Variants in CDH18 observed in about 807,000 individuals in gnomAD.
CDH18 encodes cadherin 18, also known as cadherin-18.
A neutral mutation model predicts 67.9 loss-of-function variants in CDH18; 31 were observed. The observed-to-expected ratio is 0.46, with a 90% CI of 0.34 to 0.62. The LOEUF (loss-of-function observed/expected upper bound fraction) is 0.62, where lower values mean the gene tolerates loss of function less well. Ranked by LOEUF, CDH18 falls within the 20% of genes least tolerant of loss-of-function variation. CDH18 has a pLI of 0.01. For synonymous variants in CDH18, 362 were observed against 347.2 expected (o/e 1.04, Z -0.48); for missense variants, 890 against 975.5 (o/e 0.91, Z 1.17).
chr5:19,554,851 T>C (rs1580179573), intron 8 of CDH18, among the ~76,000 whole-genome samples: 1 of 152,098 alleles, frequency 6.6e-6, no homozygotes, highest in Non-Finnish European at 1.5e-5. Context: ...GTGTCAATTA[T>C]TAATTAATAA....
At chr5:20,491,358 A>G (rs911686690) in intron 1 of CDH18, among the ~76,000 whole-genome samples, 2 of 152,154 alleles carry the variant, frequency 1.3e-5, no homozygotes, top group Non-Finnish European at 2.9e-5. Context: ...TCTTAACTGT[A>G]AAACAGGAAA....
chr5:19,937,961 C>CTATATA (rs369843082), intron 2 of CDH18, among the ~76,000 whole-genome samples: 11,417 of 144,350 alleles, frequency 0.079, 1,143 homozygotes, highest in African/African-American at 0.24. Context: ...AATATATTTG[C>CTATATA]TATATATATA....
chr5:19,768,261 C>A (rs1477584345), intron 3 of CDH18, among the ~76,000 whole-genome samples: 1 of 152,056 alleles, frequency 6.6e-6, no homozygotes, highest in Non-Finnish European at 1.5e-5. Context: ...AATAGCAAAG[C>A]TGCCTGAAAT....
At chr5:19,887,915 T>C (rs1788393539) in intron 2 of CDH18, among the ~76,000 whole-genome samples, 1 of 151,872 alleles carries the variant, frequency 6.6e-6, no homozygotes, top group South Asian at 2.1e-4. Context: ...CATGGTTCAA[T>C]TTTTTTGAAT....
chr5:20,070,416 T>C (rs978402517), intron 2 of CDH18, among the ~76,000 whole-genome samples: 1 of 152,186 alleles, frequency 6.6e-6, no homozygotes, highest in Non-Finnish European at 1.5e-5. Flanking sequence ...TGTTATTAAA[T>C]GATTTGGGGT....
intron 2 of CDH18, among the ~76,000 whole-genome samples, chr5:20,213,163 C>T (rs766418131): frequency 3.3e-5 from 5 of 151,978 alleles, no homozygotes; most frequent in African/African-American, 4.8e-5. Context: ...AGGGTTATTA[C>T]GTAACTTACT....
intron 1 of CDH18, among the ~76,000 whole-genome samples, chr5:20,520,975 A>G (rs1380023829): frequency 6.6e-6 from 1 of 152,192 alleles, no homozygotes; most frequent in Admixed American, 6.5e-5. Flanking sequence ...GCTAACATCT[A>G]GCATAACCTC....
intron 2 of CDH18, among the ~76,000 whole-genome samples, chr5:19,967,492 C>A (rs6891993): frequency 0.12 from 18,801 of 151,936 alleles, 3,331 homozygotes; most frequent in African/African-American, 0.39. Flanking sequence ...GTACAGAGAG[C>A]AAATTATATA....
chr5:20,254,354 A>AAC (rs1744073976), intron 2 of CDH18, among the ~76,000 whole-genome samples: 1 of 152,138 alleles, frequency 6.6e-6, no homozygotes, highest in Non-Finnish European at 1.5e-5. Flanking sequence ...TCAGGTGATC[A>AAC]GCCTGCCTCA....
At chr5:20,487,380 G>A (rs1236770853) in intron 1 of CDH18, among the ~76,000 whole-genome samples, 3 of 140,936 alleles carry the variant, frequency 2.1e-5, no homozygotes, top group Admixed American at 6.9e-5. Flanking sequence ...ACCTATATAT[G>A]TATAAACCTA....
chr5:19,475,324 G>T (rs1334374724), intron 12 of CDH18, among the ~76,000 whole-genome samples: 2 of 151,600 alleles, frequency 1.3e-5, no homozygotes, highest in Non-Finnish European at 2.9e-5. Flanking sequence ...AAACATTATA[G>T]CTTAGCCTAG....
At chr5:20,415,902 C>T (rs1016761355) in intron 1 of CDH18, among the ~76,000 whole-genome samples, 17 of 152,062 alleles carry the variant, frequency 1.1e-4, no homozygotes, top group Admixed American at 2.0e-4. Context: ...AGGACAAATG[C>T]TACACTATTC....
intron 1 of CDH18, among the ~76,000 whole-genome samples, chr5:20,456,272 AT>A (rs1391175658): frequency 6.6e-6 from 1 of 152,134 alleles, no homozygotes; most frequent in Non-Finnish European, 1.5e-5. Context: ...ATATGTCCTT[AT>A]TTTTTGCATA....
rs185618821 is a variant in CDH18 at position 19,690,049 on chromosome 5, T to C, written c.643+31298A>G. ...TATAAAATTATGAAGGGATCAAATA[T>C]ATATATGTGTGTATATATTATATAT... On this transcript the variant is annotated intron_variant, in intron 5 of 12. Transcript: ENST00000382275. Among the ~76,000 whole-genome samples the C allele has an allele frequency of 4.8e-3, 723 of 149,978 alleles. 5 individuals carry two copies. The highest frequency in any genetic ancestry group is 0.017 in the African/African-American group (689 of 41,224).
intron 2 of CDH18, among the ~76,000 whole-genome samples, chr5:20,055,192 A>G (rs1355787868): frequency 6.6e-6 from 1 of 152,206 alleles, no homozygotes; most frequent in African/African-American, 2.4e-5. Context: ...GACTCATGTA[A>G]GATCTATTTC....
chr5:20,225,495 A>C (rs551954499), intron 2 of CDH18, among the ~76,000 whole-genome samples: 1 of 152,214 alleles, frequency 6.6e-6, no homozygotes, highest in Non-Finnish European at 1.5e-5. Flanking sequence ...TCACCCCCGT[A>C]TACAGACACA....
intron 2 of CDH18, among the ~76,000 whole-genome samples, chr5:20,228,799 T>C (rs1385522011): frequency 6.6e-6 from 1 of 152,118 alleles, no homozygotes; most frequent in East Asian, 1.9e-4. Flanking sequence ...GGTTTTCTTA[T>C]TTTTATATTT....
At chr5:20,498,361 C>T (rs998653596) in intron 1 of CDH18, among the ~76,000 whole-genome samples, 5 of 152,100 alleles carry the variant, frequency 3.3e-5, no homozygotes, top group Non-Finnish European at 5.9e-5. Context: ...ATAATTTCCT[C>T]TCCAAAGACT....
chr5:19,546,993 C>G (rs1411170352), intron 8 of CDH18, among the ~76,000 whole-genome samples: 1 of 152,118 alleles, frequency 6.6e-6, no homozygotes, highest in Non-Finnish European at 1.5e-5. Context: ...AAATCTTATT[C>G]TGAGACACAA....
Sources: allele counts gnomAD v4.1 joint callset (sites outside exome capture counted in the v4.1 genomes callset), GRCh38; gene constraint gnomAD v4.1.1; transcripts MANE v1.5; gene names NCBI Gene and HGNC (gene_info 2026-07-23, HGNC 2026-07-21).